The following CTNNA2 variants were observed in gnomAD, a reference collection of about 807,000 sequenced individuals.
CTNNA2 encodes the protein catenin alpha 2.
A neutral mutation model predicts 101.0 loss-of-function variants in CTNNA2; 42 were observed. The ratio of observed to expected loss-of-function variants is 0.42; its 90% CI spans 0.32 to 0.54. CTNNA2 has a LOEUF of 0.54. CTNNA2 is among the 20% of genes least tolerant of loss of function. The pLI is 0.14. For synonymous variants in CTNNA2, 450 were observed against 456.4 expected (o/e 0.99, Z 0.18); for missense variants, 871 against 1,223.1 (o/e 0.71, Z 4.29).
At chr2:80,232,013 C>A (rs1709242647) in intron 7 of CTNNA2, among the ~76,000 whole-genome samples, 1 of 152,186 alleles carries the variant, frequency 6.6e-6, no homozygotes, top group Non-Finnish European at 1.5e-5. Context: ...ACAGTCATTT[C>A]TATCAATTCC....
At chr2:80,114,365 A>G (rs1335993352) in intron 7 of CTNNA2, among the ~76,000 whole-genome samples, 1 of 152,206 alleles carries the variant, frequency 6.6e-6, no homozygotes, top group Non-Finnish European at 1.5e-5. Flanking sequence ...GAAAATATTC[A>G]TTTTTAAAAC....
chr2:79,271,259 G>A (rs1175507013), intron 2 of CTNNA2, among the ~76,000 whole-genome samples: 2 of 152,014 alleles, frequency 1.3e-5, no homozygotes, highest in African/African-American at 4.8e-5. Context: ...GCCTAGAGAA[G>A]GGGTGGCCTT....
intron 2 of CTNNA2, among the ~76,000 whole-genome samples, chr2:79,280,701 G>GAGAGAGAGAGAGAC (rs142826852): frequency 2.6e-4 from 39 of 147,368 alleles, no homozygotes; most frequent in Non-Finnish European, 4.6e-4. Context: ...GAGAGAGAGA[G>GAGAGAGAGAGAGAC]ACCTATAGCT....
At chr2:80,469,401 C>T (rs1483133059) in intron 9 of CTNNA2, among the ~76,000 whole-genome samples, 1 of 152,190 alleles carries the variant, frequency 6.6e-6, no homozygotes, top group East Asian at 1.9e-4. Context: ...TATCAGTTGC[C>T]TGAAAGATAG....
chr2:79,893,185 T>G (rs1289300972), intron 6 of CTNNA2, among the ~76,000 whole-genome samples: 1 of 152,142 alleles, frequency 6.6e-6, no homozygotes, highest in Non-Finnish European at 1.5e-5. Flanking sequence ...AAAAGCCTGT[T>G]AAGTGATATC....
intron 7 of CTNNA2, among the ~76,000 whole-genome samples, chr2:80,087,214 C>T (rs1047981333): frequency 6.6e-6 from 1 of 151,966 alleles, no homozygotes; most frequent in Admixed American, 6.6e-5. Context: ...AGGGTGTAGA[C>T]AGTTGTGTCA....
chr2:79,297,202 GTTTT>G (rs1027626544), intron 2 of CTNNA2, among the ~76,000 whole-genome samples: 15 of 144,890 alleles, frequency 1.0e-4, no homozygotes, highest in East Asian at 5.9e-4. Flanking sequence ...TTGTTTGTTT[GTTTT>G]GACAACAACC....
intron 3 of CTNNA2, among the ~76,000 whole-genome samples, chr2:79,747,945 C>A (rs1438687309): frequency 1.3e-5 from 2 of 152,072 alleles, no homozygotes; most frequent in Non-Finnish European, 2.9e-5. Context: ...CAAAATAACC[C>A]AAAAAATGGG....
At chr2:79,562,266 T>C (rs1007335627) in intron 1 of CTNNA2, among the ~76,000 whole-genome samples, 2 of 152,100 alleles carry the variant, frequency 1.3e-5, no homozygotes, top group Non-Finnish European at 2.9e-5. Flanking sequence ...TTAATCAAAA[T>C]GTCTGTGTGT....
At chr2:80,166,457 T>A (rs933158889) in intron 7 of CTNNA2, among the ~76,000 whole-genome samples, 3 of 152,050 alleles carry the variant, frequency 2.0e-5, no homozygotes, top group Non-Finnish European at 4.4e-5. Context: ...GCTGAACACA[T>A]GGAGGGGTTG....
chr2:80,540,596 C>CA (rs201536941), intron 9 of CTNNA2, among the ~76,000 whole-genome samples: 60,634 of 132,416 alleles, frequency 0.46, 12,727 homozygotes, highest in South Asian at 0.59. Flanking sequence ...GACTCCATCT[C>CA]AAAAAAAAAA....
intron 9 of CTNNA2, among the ~76,000 whole-genome samples, chr2:80,443,052 G>A (rs1173188363): frequency 6.6e-6 from 1 of 152,122 alleles, no homozygotes; most frequent in East Asian, 1.9e-4. Context: ...TGCAATTGGT[G>A]GAAAGATGAA....
chr2:80,497,322 A>T (rs1573041580), intron 9 of CTNNA2, among the ~76,000 whole-genome samples: 2 of 152,300 alleles, frequency 1.3e-5, no homozygotes, highest in East Asian at 3.9e-4. Context: ...CTGAGTGGCT[A>T]GTGCAAGGGA....
At chr2:79,923,753 C>G (rs949064926) in intron 7 of CTNNA2, among the ~76,000 whole-genome samples, 2 of 152,118 alleles carry the variant, frequency 1.3e-5, no homozygotes, top group Non-Finnish European at 2.9e-5. Flanking sequence ...TTTCATCCCC[C>G]TCGCTGCTCA....
At chr2:80,130,452 G>C (rs934929725) in intron 7 of CTNNA2, among the ~76,000 whole-genome samples, 3 of 152,200 alleles carry the variant, frequency 2.0e-5, no homozygotes, top group African/African-American at 7.2e-5. Flanking sequence ...AGGAGCTGCA[G>C]TTGGGAGTAT....
chr2:80,450,163 C>A (rs1324198533), intron 9 of CTNNA2, among the ~76,000 whole-genome samples: 1 of 152,128 alleles, frequency 6.6e-6, no homozygotes, highest in Non-Finnish European at 1.5e-5. Flanking sequence ...AATAGATATT[C>A]CATAGAAAAC....
intron 6 of CTNNA2, among the ~76,000 whole-genome samples, chr2:79,904,427 A>C: frequency 6.6e-6 from 1 of 152,274 alleles, no homozygotes; most frequent in Non-Finnish European, 1.5e-5. Context: ...GATAATACTT[A>C]AGTATTATAT....
intron 2 of CTNNA2, among the ~76,000 whole-genome samples, chr2:79,704,226 T>A (rs1021499649): frequency 1.3e-5 from 2 of 152,092 alleles, no homozygotes; most frequent in African/African-American, 2.4e-5. Flanking sequence ...TTTTAAGAGG[T>A]TTATTGCCTA....
rs556988563 is a variant in CTNNA2 at position 79,189,414 on chromosome 2, T to C, written c.-524+3983T>C. Among the ~76,000 whole-genome samples the C allele has an allele frequency of 5.3e-5, 8 of 152,324 alleles. No homozygotes were observed. The South Asian group carries it at 1.7e-3, about 32-fold the overall frequency. ...TGATGTCTGGTCTTACCATATTATT[T>C]CCATCCTTCTACTCTCCAAGAGTTG... is the stretch of plus-strand genomic sequence containing the variant. On this transcript the variant is annotated intron_variant, in intron 1 of 21. Coordinates refer to the CTNNA2 transcript ENST00000466387.
Sources: allele counts gnomAD v4.1 joint callset (sites outside exome capture counted in the v4.1 genomes callset), GRCh38; gene constraint gnomAD v4.1.1; transcripts MANE v1.5; gene names NCBI Gene and HGNC (gene_info 2026-07-23, HGNC 2026-07-21).